CTTNBP2NL: variants seen among roughly 807,000 people sequenced by gnomAD.
CTTNBP2NL encodes the protein CTTNBP2 N-terminal-like protein.
CTTNBP2NL carries 16 observed loss-of-function variants against 32.5 expected under a neutral mutation model. The observed-to-expected ratio is 0.49, with a 90% CI of 0.33 to 0.75. The LOEUF is 0.75. Among genes scored for constraint, CTTNBP2NL ranks in the 30% least tolerant of loss-of-function variants. CTTNBP2NL has a pLI of 0.02. For synonymous variants in CTTNBP2NL, 298 were observed against 289.4 expected (o/e 1.03, Z -0.30); for missense variants, 645 against 756.0 (o/e 0.85, Z 1.72).
intron 3 of CTTNBP2NL, among the ~76,000 whole-genome samples, chr1:112,435,684 A>G (rs1649708612): frequency 6.6e-6 from 1 of 152,244 alleles, no homozygotes. Flanking sequence ...TTGGTAGTGA[A>G]GGATACCACA....
intron 1 of CTTNBP2NL, among the ~76,000 whole-genome samples, chr1:112,398,236 G>A (rs1648388974): frequency 6.6e-6 from 1 of 152,198 alleles, no homozygotes; most frequent in Non-Finnish European, 1.5e-5. Flanking sequence ...TTATTATTTA[G>A]CACAGTAAGC....
At chr1:112,436,017 G>A (rs1649715736) in intron 3 of CTTNBP2NL, among the ~76,000 whole-genome samples, 1 of 147,590 alleles carries the variant, frequency 6.8e-6, no homozygotes, top group Non-Finnish European at 1.5e-5. Context: ...CTTTTAGAAT[G>A]TATCGACTGA....
At chr1:112,447,093 T>A (rs912997202) in intron 3 of CTTNBP2NL, among the ~76,000 whole-genome samples, 9 of 151,646 alleles carry the variant, frequency 5.9e-5, no homozygotes, top group African/African-American at 2.2e-4. Context: ...GCTAACATGG[T>A]GAAACCCCGT....
chr1:112,437,869 A>G (rs1000724600), intron 3 of CTTNBP2NL, among the ~76,000 whole-genome samples: 8 of 152,146 alleles, frequency 5.3e-5, no homozygotes, highest in African/African-American at 1.7e-4. Context: ...TGTCAGATGC[A>G]TAGTTTGCAA....
At chr1:112,401,302 G>GT (rs762314364) in intron 1 of CTTNBP2NL, among the ~76,000 whole-genome samples, 38 of 152,166 alleles carry the variant, frequency 2.5e-4, no homozygotes, top group Admixed American at 4.6e-4. Context: ...AGGAGAGTGT[G>GT]TATCTGTCTT....
In CTTNBP2NL at chr1:112,458,358, T is replaced by A. The variant is rs1453135391; in HGVS notation, c.*946T>A. On this transcript the variant is annotated 3_prime_UTR_variant, in exon 6 of 6. Coordinates refer to ENST00000271277, the MANE Select transcript of CTTNBP2NL (RefSeq NM_018704.3). Reference sequence around the variant, plus strand: ...GAATTATACAAGTTTTACCAAATTGTTACACTTATTCTCCAAGCTGCCAGA... The same window carrying A: ...GAATTATACAAGTTTTACCAAATTGATACACTTATTCTCCAAGCTGCCAGA... 2 of 152,628 alleles carry A rather than the reference T, an allele frequency of 1.3e-5. No homozygotes were observed. The highest frequency in any genetic ancestry group is 2.9e-5 in the Non-Finnish European group (2 of 68,026). 9.5% of individuals were successfully genotyped at this position (152,628 alleles called of 1,614,324 possible).
intron 4 of CTTNBP2NL, among the ~76,000 whole-genome samples, chr1:112,449,948 C>T (rs1650169556): frequency 6.6e-6 from 1 of 152,108 alleles, no homozygotes; most frequent in Non-Finnish European, 1.5e-5. Flanking sequence ...ATTTATTCAC[C>T]AACTTGTCAT....
At chr1:112,395,611 T>C (rs1570707502), upstream of CTTNBP2NL, among the ~76,000 whole-genome samples, 1 of 152,372 alleles carries the variant, frequency 6.6e-6, no homozygotes, top group East Asian at 1.9e-4. Flanking sequence ...GCTGGGTTTA[T>C]GTCCCCCAAA....
At chr1:112,440,456 A>G (rs78734103) in intron 3 of CTTNBP2NL, among the ~76,000 whole-genome samples, 6,382 of 152,284 alleles carry the variant, frequency 0.042, 178 homozygotes, top group East Asian at 0.1. Flanking sequence ...GTGTTTCTCA[A>G]ACTTTTTGGA....
chr1:112,398,028 G>A (rs1014031346), intron 1 of CTTNBP2NL, among the ~76,000 whole-genome samples: 4 of 152,164 alleles, frequency 2.6e-5, no homozygotes, highest in Admixed American at 1.3e-4. Flanking sequence ...TCTAGCAAAC[G>A]CAATGTGTGC....
At chr1:112,405,079 A>G (rs1439918264) in intron 1 of CTTNBP2NL, among the ~76,000 whole-genome samples, 1 of 152,198 alleles carries the variant, frequency 6.6e-6, no homozygotes, top group East Asian at 1.9e-4. Flanking sequence ...AAAAAAACAA[A>G]CAAAAAAAAT....
intron 3 of CTTNBP2NL, among the ~76,000 whole-genome samples, chr1:112,441,413 A>G (rs1649888759): frequency 6.6e-6 from 1 of 152,034 alleles, no homozygotes; most frequent in Admixed American, 6.6e-5. Flanking sequence ...CTAGTATTCC[A>G]TTTTATAAAT....
chr1:112,435,107 C>T (rs754321712), intron 3 of CTTNBP2NL, among the ~76,000 whole-genome samples: 70 of 141,488 alleles, frequency 4.9e-4, no homozygotes, highest in South Asian at 2.2e-3. Context: ...CACACCATTG[C>T]ACTCCAGCCT....
rs529002230 is a variant in CTTNBP2NL, at chr1:112,426,880, A to G, written c.99+10616A>G. ...TTCAGCCTCCCAAAGTTCTGGGATT[A>G]CAGGGTTGAGCCACCGCACCTGGCC... On this transcript the variant is annotated intron_variant, in intron 3 of 5. Transcript: ENST00000271277. 2.2e-3 allele frequency among the ~76,000 whole-genome samples: 340 copies of G among 152,276 alleles called. 6 individuals carry two copies. Among genetic ancestry groups the G allele is most frequent in the South Asian group, 0.019 (93 of 4,818 alleles).
intron 1 of CTTNBP2NL, among the ~76,000 whole-genome samples, chr1:112,398,817 CAAAAAAAAA>C (rs3033224): frequency 3.2e-5 from 3 of 93,600 alleles, no homozygotes; most frequent in Admixed American, 1.3e-4. Context: ...TGTCTCTTAA[CAAAAAAAAA>C]AAAAAAAAAA....
In CTTNBP2NL at chr1:112,452,389, G is replaced by A. The variant is rs959924123; in HGVS notation, c.331-2060G>A. On this transcript the variant is annotated intron_variant, in intron 4 of 5. Coordinates refer to ENST00000271277, the MANE Select transcript of CTTNBP2NL (RefSeq NM_018704.3). ...GACAGAGTTTCACTCTTGTTGCTCA[G>A]GCTGGAGTGCAATGGCACAATCTTG... Among the ~76,000 whole-genome samples, 6 of 140,484 alleles carry A rather than the reference G, an allele frequency of 4.3e-5. 1 individual carries two copies. In the South Asian group the frequency reaches 1.3e-3, roughly 31 times the overall value. 92.2% of individuals were successfully genotyped at this position (140,484 alleles called of 152,430 possible). A position where few individuals can be genotyped will look rare whatever the true frequency, so the allele number is the denominator to read the frequency against.
intron 3 of CTTNBP2NL, among the ~76,000 whole-genome samples, chr1:112,448,702 A>G (rs115506568): frequency 0.011 from 1,661 of 152,332 alleles, 40 homozygotes; most frequent in African/African-American, 0.038. Context: ...AAACAAGTTA[A>G]TCTGACTATA....
chr1:112,401,725 A>C (rs1370927610), intron 1 of CTTNBP2NL, among the ~76,000 whole-genome samples: 3 of 152,152 alleles, frequency 2.0e-5, no homozygotes, highest in African/African-American at 7.2e-5. Context: ...TGTGGGTTGA[A>C]GAAAACAAGA....
At chr1:112,429,030 C>A (rs1649484448) in intron 3 of CTTNBP2NL, among the ~76,000 whole-genome samples, 1 of 152,010 alleles carries the variant, frequency 6.6e-6, no homozygotes, top group African/African-American at 2.4e-5. Context: ...GAAGCTATTC[C>A]CAAAGTTTAT....
Sources: allele counts gnomAD v4.1 joint callset (sites outside exome capture counted in the v4.1 genomes callset), GRCh38; gene constraint gnomAD v4.1.1; transcripts MANE v1.5; gene names NCBI Gene and HGNC (gene_info 2026-07-23, HGNC 2026-07-21).